Variants in STAG1 observed in about 807,000 individuals in gnomAD.
The protein encoded by STAG1 is cohesin subunit SA-1.
STAG1 carries 26 observed loss-of-function variants against 170.9 expected under a neutral mutation model. That is an observed-to-expected ratio of 0.15 (90% confidence interval 0.11 to 0.21). The LOEUF is 0.21. Among genes scored for constraint, STAG1 ranks in the 10% least tolerant of loss-of-function variants. STAG1 has a pLI of 1.00. For synonymous variants in STAG1, 514 were observed against 497.7 expected, an observed-to-expected ratio of 1.03 and a Z score of -0.44; for missense variants, 964 against 1,509.5, an observed-to-expected ratio of 0.64 and a Z score of 5.99.
At chr3:136,557,571 C>T (rs1240512166) in intron 5 of STAG1, among the ~76,000 whole-genome samples, 1 of 152,034 alleles carries the variant, frequency 6.6e-6, no homozygotes, top group African/African-American at 2.4e-5. Flanking sequence ...GAGATGGAGT[C>T]ACACTCTGTT....
chr3:136,700,264 T>C (rs371033775), intron 1 of STAG1, among the ~76,000 whole-genome samples: 5 of 149,528 alleles, frequency 3.3e-5, no homozygotes, highest in African/African-American at 1.2e-4. Flanking sequence ...ATTCCTAATT[T>C]TGAGCAATAA....
chr3:136,699,307 A>C (rs1418720002), intron 1 of STAG1, among the ~76,000 whole-genome samples: 3 of 152,216 alleles, frequency 2.0e-5, no homozygotes, highest in African/African-American at 7.2e-5. Flanking sequence ...CCACTGCTTT[A>C]TTCAAATACT....
intron 9 of STAG1, among the ~76,000 whole-genome samples, chr3:136,494,818 G>A (rs1039305591): frequency 6.6e-6 from 1 of 152,052 alleles, no homozygotes; most frequent in Non-Finnish European, 1.5e-5. Context: ...TAATAACATC[G>A]TGCCTAATTT....
intron 2 of STAG1, among the ~76,000 whole-genome samples, chr3:136,626,184 T>C (rs1324287748): frequency 6.6e-6 from 1 of 152,176 alleles, no homozygotes; most frequent in African/African-American, 2.4e-5. Flanking sequence ...TCCCAGCACT[T>C]TGGGAGGCCA....
chr3:136,554,698 T>C (rs1164045776), intron 5 of STAG1, among the ~76,000 whole-genome samples: 2 of 151,930 alleles, frequency 1.3e-5, no homozygotes, highest in Non-Finnish European at 2.9e-5. Context: ...AGTTCAAAAG[T>C]AGCCAGGGCA....
chr3:136,485,019 G>A lies in STAG1; in HGVS notation c.903-7607C>T, dbSNP rs377441285. On this transcript the variant is annotated intron_variant, in intron 9 of 33. Coordinates refer to ENST00000383202, the MANE Select transcript of STAG1 (RefSeq NM_005862.3). ...TGAACCCGGTACCTCAGATGGAAAT[G>A]CAGAAATCACCCGTCTTCTGCGTCG... 3.3e-5 allele frequency among the ~76,000 whole-genome samples: 5 copies of A among 152,318 alleles called. No individual in the cohort carries two copies. The East Asian group carries it at 9.7e-4, about 29-fold the overall frequency.
At chr3:136,598,367 A>C (rs892832824) in intron 4 of STAG1, among the ~76,000 whole-genome samples, 2 of 151,394 alleles carry the variant, frequency 1.3e-5, no homozygotes, top group Non-Finnish European at 2.9e-5. Context: ...TTTCACTAAC[A>C]TTTCTTTCAC....
At chr3:136,644,038 G>T (rs1940899325) in intron 1 of STAG1, among the ~76,000 whole-genome samples, 1 of 152,064 alleles carries the variant, frequency 6.6e-6, no homozygotes, top group Non-Finnish European at 1.5e-5. Context: ...CCATAATCAT[G>T]TTGTGAGCAT....
chr3:136,527,956 A>T (rs1388230187), intron 6 of STAG1, among the ~76,000 whole-genome samples: 1 of 152,098 alleles, frequency 6.6e-6, no homozygotes, highest in Admixed American at 6.6e-5. Context: ...GCTTCATCTC[A>T]GAGGGTTATC....
chr3:136,418,104 A>G, intron 20 of STAG1, 132 bp from the exon 21 acceptor site: 1 of 698,346 alleles, frequency 1.4e-6, no homozygotes, highest in Non-Finnish European at 2.4e-6. Flanking sequence ...CTGTAATCCC[A>G]GCACTCTGGA....
intron 5 of STAG1, among the ~76,000 whole-genome samples, chr3:136,565,116 AAGAAAGGAAAGAGAAAGGGAAG>A (rs1475747412): frequency 6.8e-6 from 1 of 147,414 alleles, no homozygotes; most frequent in Non-Finnish European, 1.5e-5. Context: ...AAGAGAGAGA[AAGAAAGGAAAGAGAAAGGGAAG>A]AGAAAGGAAA....
chr3:136,338,579 A>AAGAG, intron 32 of STAG1, 129 bp from the exon 33 acceptor site: 2 of 665,738 alleles, frequency 3.0e-6, no homozygotes, highest in Non-Finnish European at 2.6e-6. Flanking sequence ...TGAAAGGAAG[A>AAGAG]AGAGAATCTG....
intron 10 of STAG1, 109 bp downstream of exon 10, chr3:136,477,180 T>G: frequency 8.1e-7 from 1 of 1,233,854 alleles, no homozygotes; most frequent in Non-Finnish European, 1.1e-6. Context: ...TCTTAAAATT[T>G]CCACATGATT....
At chr3:136,436,259 T>C (rs182800057) in intron 15 of STAG1, among the ~76,000 whole-genome samples, 1 of 151,750 alleles carries the variant, frequency 6.6e-6, no homozygotes, top group African/African-American at 2.4e-5. Flanking sequence ...CCTGGCCTCA[T>C]TCTTACATAT....
intron 1 of STAG1, among the ~76,000 whole-genome samples, chr3:136,659,402 TCTCAAGCATATTAGA>T (rs1441878123): frequency 3.3e-5 from 5 of 152,198 alleles, no homozygotes; most frequent in African/African-American, 1.2e-4. Context: ...TCAATTCTCT[TCTCAAGCATATTAGA>T]CTCCATTAAC....
At chr3:136,553,492 TG>T (rs546485086) in intron 5 of STAG1, among the ~76,000 whole-genome samples, 221 of 152,322 alleles carry the variant, frequency 1.5e-3, no homozygotes, top group Non-Finnish European at 2.4e-3. Flanking sequence ...AATTAAATTT[TG>T]GGCCGGGTGT....
At position 136,493,574 on chromosome 3, in the gene STAG1, G is replaced by A. The variant is rs185649963; in HGVS notation, c.902+6649C>T. Among the ~76,000 whole-genome samples the A allele has an allele frequency of 3.3e-5, 5 of 149,694 alleles. No individual in the cohort carries two copies. In the East Asian group the frequency reaches 9.9e-4, roughly 30 times the overall value. On this transcript the variant is annotated intron_variant, in intron 9 of 33. Transcript: ENST00000383202. ...GGGGGCTGAGGCGGGAGTACTGCTT[G>A]AGCCCGTGAAGTCAAGGCTGCAGTG...
intron 22 of STAG1, among the ~76,000 whole-genome samples, chr3:136,396,520 C>CACAG (rs2087162173): frequency 2.3e-5 from 1 of 43,654 alleles, no homozygotes; most frequent in Admixed American, 3.4e-4. Flanking sequence ...CGCGCCTGGC[C>CACAG]TTTTTTTTTT....
chr3:136,746,749 G>C (rs1379281183), intron 1 of STAG1, among the ~76,000 whole-genome samples: 2 of 152,122 alleles, frequency 1.3e-5, no homozygotes, highest in Non-Finnish European at 2.9e-5. Flanking sequence ...AGGAGTTCGA[G>C]ACCAGCCTGG....
Sources: allele counts gnomAD v4.1 joint callset (sites outside exome capture counted in the v4.1 genomes callset), GRCh38; gene constraint gnomAD v4.1.1; transcripts MANE v1.5; gene names NCBI Gene and HGNC (gene_info 2026-07-23, HGNC 2026-07-21).